PLCB1: variants seen among roughly 807,000 people sequenced by gnomAD.
PLCB1 encodes phospholipase C beta 1, also known as 1-phosphatidylinositol 4,5-bisphosphate phosphodiesterase beta-1.
Under a neutral mutation model 161.8 loss-of-function variants are expected in PLCB1, and 46 were observed. The observed-to-expected ratio is 0.28, with a 90% CI of 0.22 to 0.36. The LOEUF (loss-of-function observed/expected upper bound fraction) is 0.36, where lower values mean the gene tolerates loss of function less well. Among genes scored for constraint, PLCB1 ranks in the 10% least tolerant of loss-of-function variants. The pLI is 1.00. For missense variants in PLCB1, 1,016 were observed against 1,472.5 expected, an observed-to-expected ratio of 0.69 and a Z score of 5.07; for synonymous variants, 517 against 503.7, an observed-to-expected ratio of 1.03 and a Z score of -0.35.
chr20:8,781,008 G>T (rs1238797832), intron 27 of PLCB1, among the ~76,000 whole-genome samples: 1 of 152,156 alleles, frequency 6.6e-6, no homozygotes, highest in East Asian at 1.9e-4. Context: ...TTTATATCTT[G>T]CTACAGCTTG....
chr20:8,146,112 T>G (rs1007820670), intron 1 of PLCB1, among the ~76,000 whole-genome samples: 13 of 151,884 alleles, frequency 8.6e-5, no homozygotes, highest in Admixed American at 2.0e-4. Context: ...TTTGTTTTTT[T>G]TTTTTTTGGT....
intron 3 of PLCB1, among the ~76,000 whole-genome samples, chr20:8,503,917 G>A (rs994736082): frequency 2.0e-5 from 3 of 152,120 alleles, no homozygotes; most frequent in African/African-American, 7.2e-5. Context: ...TGACTTACAA[G>A]CATATGGTGG....
chr20:8,413,605 C>T (rs562205724), intron 3 of PLCB1, among the ~76,000 whole-genome samples: 1 of 152,208 alleles, frequency 6.6e-6, no homozygotes, highest in Non-Finnish European at 1.5e-5. Context: ...TTTCAGAGAA[C>T]CTTTCCAGGT....
At chr20:8,839,362 C>T (rs1490000514) in intron 31 of PLCB1, among the ~76,000 whole-genome samples, 1 of 152,140 alleles carries the variant, frequency 6.6e-6, no homozygotes, top group African/African-American at 2.4e-5. Context: ...GTGTGTTACT[C>T]CCACTCATTT....
intron 3 of PLCB1, among the ~76,000 whole-genome samples, chr20:8,503,272 C>G (rs1298747490): frequency 1.3e-5 from 2 of 152,182 alleles, no homozygotes; most frequent in Non-Finnish European, 2.9e-5. Context: ...CTTAGAATGG[C>G]ATTCAGATCT....
intron 3 of PLCB1, among the ~76,000 whole-genome samples, chr20:8,598,262 CT>C (rs1298357597): frequency 2.1e-3 from 150 of 70,224 alleles, no homozygotes; most frequent in African/African-American, 8.3e-3. Flanking sequence ...CCTCTACACA[CT>C]GCTTTGAATG....
chr20:8,151,940 G>T (rs925467785), intron 2 of PLCB1, among the ~76,000 whole-genome samples: 1 of 152,054 alleles, frequency 6.6e-6, no homozygotes, highest in Non-Finnish European at 1.5e-5. Context: ...AAGAAAAAGG[G>T]TTTAGGACCA....
chr20:8,370,316 T>C (rs1986866171), intron 2 of PLCB1, among the ~76,000 whole-genome samples: 1 of 152,174 alleles, frequency 6.6e-6, no homozygotes, highest in Non-Finnish European at 1.5e-5. Flanking sequence ...CCATATTCCT[T>C]TCTGATGTCA....
rs181558694 is a variant in PLCB1 at position 8,733,836 on chromosome 20, G to T, written c.2043+444G>T. 9.0e-4 allele frequency among the ~76,000 whole-genome samples: 133 copies of T among 148,186 alleles called. 4 individuals are homozygous for T. The East Asian group carries it at 0.023, about 26-fold the overall frequency. ...AATAATAATAATAATAAAAGTTTTG[G>T]TAGGGTCGGGCGCAGTGACTCACGC... On this transcript the variant is annotated intron_variant, in intron 19 of 31. Transcript: ENST00000338037.
intron 11 of PLCB1, among the ~76,000 whole-genome samples, chr20:8,706,278 C>T (rs1394456465): frequency 1.3e-5 from 2 of 152,126 alleles, no homozygotes; most frequent in Non-Finnish European, 2.9e-5. Context: ...AGGCCCTTGG[C>T]CAAAATAAAA....
chr20:8,378,132 T>C (rs540556498), intron 3 of PLCB1, among the ~76,000 whole-genome samples: 34 of 152,326 alleles, frequency 2.2e-4, no homozygotes, highest in African/African-American at 8.2e-4. Context: ...TGAGTGGATA[T>C]ACAAAATGTC....
At chr20:8,795,853 C>T (rs114392887) in intron 31 of PLCB1, among the ~76,000 whole-genome samples, 7 of 140,246 alleles carry the variant, frequency 5.0e-5, no homozygotes, top group Non-Finnish European at 7.5e-5. Flanking sequence ...CAAGCCTGGG[C>T]GACTGAGTGA....
chr20:8,311,614 G>A (rs751022120), intron 2 of PLCB1, among the ~76,000 whole-genome samples: 2 of 152,168 alleles, frequency 1.3e-5, no homozygotes, highest in Non-Finnish European at 2.9e-5. Flanking sequence ...TCTATTAAAC[G>A]TATCATTTGT....
chr20:8,173,034 G>A (rs909144232), intron 2 of PLCB1, among the ~76,000 whole-genome samples: 1 of 152,284 alleles, frequency 6.6e-6, no homozygotes, highest in Admixed American at 6.5e-5. Context: ...GTTATGGCTA[G>A]CCATACATGG....
At chr20:8,138,211 G>T (rs1195156212) in intron 1 of PLCB1, among the ~76,000 whole-genome samples, 1 of 152,158 alleles carries the variant, frequency 6.6e-6, no homozygotes, top group Non-Finnish European at 1.5e-5. Flanking sequence ...AATTTGCAGT[G>T]GCTATTAGTT....
chr20:8,281,664 G>A (rs1328464170), intron 2 of PLCB1, among the ~76,000 whole-genome samples: 2 of 152,048 alleles, frequency 1.3e-5, no homozygotes, highest in East Asian at 1.9e-4. Flanking sequence ...TATTTTCTTG[G>A]TATGGTTGCA....
chr20:8,177,619 A>G (rs2051796904), intron 2 of PLCB1, among the ~76,000 whole-genome samples: 1 of 151,954 alleles, frequency 6.6e-6, no homozygotes, highest in Non-Finnish European at 1.5e-5. Flanking sequence ...CCCAAGTATT[A>G]TTATTATTAT....
At chr20:8,636,559 A>G (rs1988768068) in intron 4 of PLCB1, among the ~76,000 whole-genome samples, 1 of 152,198 alleles carries the variant, frequency 6.6e-6, no homozygotes, top group Non-Finnish European at 1.5e-5. Context: ...TATTAAAAAG[A>G]TTTTTATTAA....
chr20:8,385,974 G>A (rs750340613), intron 3 of PLCB1, among the ~76,000 whole-genome samples: 6 of 152,294 alleles, frequency 3.9e-5, no homozygotes, highest in East Asian at 3.9e-4. Context: ...CTGCCTCCCC[G>A]TTCAAGTTTT....
Sources: gnomAD v4.1 joint callset for allele counts (sites outside exome capture counted in the v4.1 genomes callset) on GRCh38, gnomAD v4.1.1 for gene constraint, MANE v1.5 for transcripts, NCBI Gene and HGNC (gene_info 2026-07-23, HGNC 2026-07-21) for gene names.